The following RAB11FIP2 variants were observed in gnomAD, a reference collection of about 807,000 sequenced individuals.
RAB11FIP2 encodes the protein rab11 family-interacting protein 2.
A neutral mutation model predicts 40.9 loss-of-function variants in RAB11FIP2; 16 were observed. That is an observed-to-expected ratio of 0.39 (90% CI 0.26 to 0.59). The LOEUF (loss-of-function observed/expected upper bound fraction) is 0.59, where lower values mean the gene tolerates loss of function less well. Ranked by LOEUF, RAB11FIP2 falls within the 20% of genes least tolerant of loss-of-function variation. The pLI is 0.53. For synonymous variants in RAB11FIP2, 228 were observed against 213.7 expected (o/e 1.07, Z -0.58); for missense variants, 532 against 606.2 (o/e 0.88, Z 1.28).
rs192640218 is a variant in RAB11FIP2 at position 118,006,303 on chromosome 10, G to C, written c.*2695C>G. 1.3e-5 allele frequency: 2 copies of C among 152,640 alleles called. No individual in the cohort carries two copies. The highest frequency in any genetic ancestry group is 1.3e-4 in the Admixed American group (2 of 15,280). 9.5% of individuals were successfully genotyped at this position (152,640 alleles called of 1,614,324 possible). On this transcript the variant is annotated 3_prime_UTR_variant, in exon 5 of 5. Coordinates refer to ENST00000355624, the MANE Select transcript of RAB11FIP2 (RefSeq NM_014904.3). ...AAGTACATTAGCTTAAGATAGTCTT[G>C]AGATAAATATCAATTCTGTGATTTT...
At chr10:118,010,025 A>C (rs940395908) in intron 4 of RAB11FIP2, among the ~76,000 whole-genome samples, 2 of 152,150 alleles carry the variant, frequency 1.3e-5, no homozygotes, top group African/African-American at 2.4e-5. Flanking sequence ...CATAAATATA[A>C]CCAAAAATCT....
chr10:118,009,327 A>C (rs143170621), intron 4 of RAB11FIP2, 102 bp from the exon 5 acceptor site: 11,571 of 1,098,460 alleles, frequency 0.011, 93 homozygotes, highest in Non-Finnish European at 0.013. Flanking sequence ...ACCCTGATGA[A>C]GTTTTTCGCT....
chr10:118,021,785 A>G lies in RAB11FIP2; in HGVS notation c.1266-6675T>C, dbSNP rs1403665686. The stretch of plus-strand genomic sequence containing the variant: ...TATCTGGTAGCCTAACTTTTGTCCT[A>G]TATTTCCAATCACTCCTTTTCCTTG... On this transcript the variant is annotated intron_variant, in intron 3 of 4. Coordinates refer to ENST00000355624, the MANE Select transcript of RAB11FIP2 (RefSeq NM_014904.3). 3.3e-5 allele frequency among the ~76,000 whole-genome samples: 5 copies of G among 152,180 alleles called. No homozygotes were observed. In the East Asian group the frequency reaches 7.7e-4, roughly 23 times the overall value.
rs1564835977 is a variant in RAB11FIP2, at chr10:118,039,190, ATTTTC to A, written c.1042_1046del (p.Glu348Ter). ...TAACTTTCTCCCTTTTCTCTCTTTT[ATTTTC>A]TTTTCTTATTTCAATTGGTTTTGAA... is the stretch of plus-strand genomic sequence containing the variant. On this transcript the variant is annotated frameshift_variant, in exon 3 of 5. Coordinates refer to ENST00000355624, the MANE Select transcript of RAB11FIP2 (RefSeq NM_014904.3). LOFTEE classifies it high-confidence loss of function. The A allele has an allele frequency of 1.9e-6, 3 of 1,612,950 alleles. No individual in the cohort carries two copies. Among genetic ancestry groups the A allele is most frequent in the Middle Eastern group, 1.7e-4 (1 of 6,058 alleles).
At chr10:118,015,043 T>C in intron 4 of RAB11FIP2, 22 bp downstream of exon 4, 32 of 1,596,610 alleles carry the variant, frequency 2.0e-5, no homozygotes, top group Non-Finnish European at 2.7e-5. Flanking sequence ...TTGACAACCC[T>C]CTAACCCCTT....
At chr10:118,044,868 T>C (rs1192767263) in intron 1 of RAB11FIP2, among the ~76,000 whole-genome samples, 1 of 152,162 alleles carries the variant, frequency 6.6e-6, no homozygotes, top group Non-Finnish European at 1.5e-5. Context: ...AAAGTCCTCT[T>C]AGAAGTTCAA....
rs1489931821 is a variant in RAB11FIP2, at chr10:118,008,025, C to A, written c.*973G>T. The A allele has an allele frequency of 6.6e-6, 1 of 152,448 alleles. No homozygotes were observed. The highest frequency in any genetic ancestry group is 2.4e-5 in the African/African-American group (1 of 41,404). The allele number at this position is 152,448 out of a possible 1,614,324, so 9.4% of individuals were successfully genotyped here. A position where few individuals can be genotyped will look rare whatever the true frequency, so the allele number is the denominator to read the frequency against. On this transcript the variant is annotated 3_prime_UTR_variant, in exon 5 of 5. Transcript: ENST00000355624. ...GACACACCAGGCAATCACATACTTC[C>A]CACAATTATTTTCAGATATAACTTT...
chr10:118,042,276 C>T (rs1341928307), intron 1 of RAB11FIP2, among the ~76,000 whole-genome samples: 2 of 151,900 alleles, frequency 1.3e-5, no homozygotes, highest in Non-Finnish European at 2.9e-5. Flanking sequence ...AATTAATTAC[C>T]CCCAAAATGG....
intron 2 of RAB11FIP2, 70 bp from the exon 3 acceptor site, chr10:118,039,510 T>G: frequency 7.8e-7 from 1 of 1,279,318 alleles, no homozygotes; most frequent in Non-Finnish European, 1.1e-6. Flanking sequence ...ACAGTCTGTG[T>G]GCATTCTGCT....
At chr10:118,039,618 C>T (rs963114874) in intron 2 of RAB11FIP2, 178 bp from the exon 3 acceptor site, 5 of 607,232 alleles carry the variant, frequency 8.2e-6, no homozygotes, top group Admixed American at 3.2e-5. Context: ...TCTGAAGCAT[C>T]GAGGCTGATA....
chr10:118,015,142 C>A, intron 3 of RAB11FIP2, 32 bp from the exon 4 acceptor site: 1 of 1,562,750 alleles, frequency 6.4e-7, no homozygotes, highest in South Asian at 1.2e-5. Context: ...TTAAAAGTGT[C>A]ATAACTCATG....
chr10:118,024,971 T>A (rs1009682236), intron 3 of RAB11FIP2, among the ~76,000 whole-genome samples: 7 of 152,138 alleles, frequency 4.6e-5, no homozygotes, highest in Non-Finnish European at 1.0e-4. Flanking sequence ...GCAGCCAGAC[T>A]TCCAGGGGCC....
chr10:118,016,078 A>C (rs1175492545), intron 3 of RAB11FIP2, among the ~76,000 whole-genome samples: 2 of 152,214 alleles, frequency 1.3e-5, no homozygotes, highest in East Asian at 3.8e-4. Context: ...AATGTTGGTA[A>C]AGTATCTGTA....
At chr10:118,033,160 A>G (rs1846436176) in intron 3 of RAB11FIP2, among the ~76,000 whole-genome samples, 1 of 152,060 alleles carries the variant, frequency 6.6e-6, no homozygotes, top group Admixed American at 6.6e-5. Flanking sequence ...ATCCCCATAG[A>G]GTAGGAGGAC....
rs767043330 is a variant in RAB11FIP2 at position 118,039,100 on chromosome 10, T to TC, written c.1136dup (p.Ser380IlefsTer2). On this transcript the variant is annotated frameshift_variant, in exon 3 of 5. Transcript: ENST00000355624. LOFTEE classifies it high-confidence loss of function. ...ATTTCAAGTCACAAGGGCTATCAGATCCCCCATTGTTAAGTTTATCAGATC... is the reference window on the plus strand; with the variant it reads ...ATTTCAAGTCACAAGGGCTATCAGATCCCCCCATTGTTAAGTTTATCAGATC... The TC allele has an allele frequency of 6.2e-7, 1 of 1,613,722 alleles. No individual in the cohort carries two copies. Among genetic ancestry groups the TC allele is most frequent in the Non-Finnish European group, 8.5e-7 (1 of 1,179,738 alleles).
At chr10:118,022,046 C>T (rs1846288605) in intron 3 of RAB11FIP2, among the ~76,000 whole-genome samples, 1 of 152,182 alleles carries the variant, frequency 6.6e-6, no homozygotes, top group African/African-American at 2.4e-5. Context: ...CCTGAAAGAC[C>T]AATCATGTCT....
chr10:118,046,240 C>G lies in RAB11FIP2; in HGVS notation c.-77G>C. 8.2e-7 allele frequency: 1 copy of G among 1,220,160 alleles called. No homozygotes were observed. The highest frequency in any genetic ancestry group is 1.2e-6 in the Non-Finnish European group (1 of 847,332). 75.6% of individuals were successfully genotyped at this position (1,220,160 alleles called of 1,614,324 possible). A position where few individuals can be genotyped will look rare whatever the true frequency, so the allele number is the denominator to read the frequency against. ...CGGAGGGAGAGCCTAATTCCTTAAT[C>G]ACTGCATCCTAAGGACACTTAACGG... On this transcript the variant is annotated 5_prime_UTR_variant, in exon 1 of 5. It removes the in-frame stop codon of an upstream open reading frame in the 5' UTR. Coordinates refer to ENST00000355624, the MANE Select transcript of RAB11FIP2 (RefSeq NM_014904.3).
chr10:118,046,407 T>C lies in RAB11FIP2; in HGVS notation c.-244A>G, dbSNP rs998186287. On this transcript the variant is annotated 5_prime_UTR_variant, in exon 1 of 5. Transcript: ENST00000355624. ...GGCCCACCATCACCTGGCCGCGCCGTGCAGGCCTCTGCGCGGACCCCCGCC... is the reference window on the plus strand; with the variant it reads ...GGCCCACCATCACCTGGCCGCGCCGCGCAGGCCTCTGCGCGGACCCCCGCC... 2.0e-6 allele frequency: 1 copy of C among 511,102 alleles called. No homozygotes were observed. The allele number at this position is 511,102 out of a possible 1,614,324, so 31.7% of individuals were successfully genotyped here. A position where few individuals can be genotyped will look rare whatever the true frequency, so the allele number is the denominator to read the frequency against.
intron 1 of RAB11FIP2, among the ~76,000 whole-genome samples, chr10:118,043,154 G>A (rs1846582778): frequency 6.6e-6 from 1 of 152,020 alleles, no homozygotes; most frequent in South Asian, 2.1e-4. Context: ...CTATTCCCAA[G>A]CAATTGGTGC....
Sources: gnomAD v4.1 joint callset for allele counts (sites outside exome capture counted in the v4.1 genomes callset) on GRCh38, gnomAD v4.1.1 for gene constraint, MANE v1.5 for transcripts, NCBI Gene and HGNC (gene_info 2026-07-23, HGNC 2026-07-21) for gene names.